CRLF2: variants seen among roughly 807,000 people sequenced by gnomAD.
CRLF2 encodes the protein cytokine receptor-like factor 2.
In CRLF2, 41 loss-of-function variants were observed where a neutral mutation model predicts 38.7. That is an observed-to-expected ratio of 1.06 (90% CI 0.83 to 1.37). The LOEUF (loss-of-function observed/expected upper bound fraction) is 1.37. CRLF2 is among the 40% of genes most tolerant of loss of function. The pLI, the probability that CRLF2 is intolerant of heterozygous loss-of-function variation, is 0.00. For missense variants in CRLF2, 377 were observed against 322.2 expected (o/e 1.17, Z -1.30); for synonymous variants, 140 against 128.8 (o/e 1.09, Z -0.59).
At chrX:1,198,246 A>G (rs868219359) in intron 5 of CRLF2, among the ~76,000 whole-genome samples, 8 of 85,016 alleles carry the variant, frequency 9.4e-5, no homozygotes, top group East Asian at 3.4e-4. Context: ...CCCACCTCCC[A>G]GGAAGGCAGG....
At chrX:1,201,245 G>T (rs1401834416) in intron 4 of CRLF2, among the ~76,000 whole-genome samples, 4 of 151,858 alleles carry the variant, frequency 2.6e-5, no homozygotes, top group Non-Finnish European at 4.4e-5. Context: ...TGACCAACAG[G>T]TCGTTAGGCA....
chrX:1,196,391 T>C (rs1192287560), intron 6 of CRLF2, among the ~76,000 whole-genome samples: 11 of 152,006 alleles, frequency 7.2e-5, no homozygotes, highest in African/African-American at 2.4e-4. Context: ...TTTCACCATG[T>C]TGGCCAGGAT....
intron 6 of CRLF2, 47 bp from the exon 7 acceptor site, chrX:1,193,349 G>A (rs2086426464): frequency 5.0e-6 from 2 of 398,614 alleles, no homozygotes. Context: ...CAGCCCCGCA[G>A]GAAGGGTTGG....
chrX:1,202,537 T>C lies in CRLF2; in HGVS notation c.350-2A>G, dbSNP rs1426083675. The C allele has an allele frequency of 6.2e-7, 1 of 1,613,570 alleles. No individual in the cohort carries two copies. The highest frequency in any genetic ancestry group is 8.5e-7 in the Non-Finnish European group (1 of 1,179,694). ...CGTGCTTCGGGGAACTGGGTTTCAC[T>C]GAGAAGAAGAAATAACGGAAGCGAC... On this transcript the variant is annotated splice_acceptor_variant, in intron 3 of 7. Coordinates refer to ENST00000400841, the MANE Select transcript of CRLF2 (RefSeq NM_022148.4). LOFTEE classifies it high-confidence loss of function.
At position 1,202,396 on chromosome X, in the gene CRLF2, G is replaced by A. The variant is rs1177927041; in HGVS notation, c.483+6C>T. 1 of 1,613,466 alleles carries A rather than the reference G, an allele frequency of 6.2e-7. No individual in the cohort carries two copies. The highest frequency in any genetic ancestry group is 8.5e-7 in the Non-Finnish European group (1 of 1,179,540). On this transcript the variant is annotated splice_donor_region_variant and intron_variant, in intron 4 of 7. Coordinates refer to ENST00000400841, the MANE Select transcript of CRLF2 (RefSeq NM_022148.4). ...CATCGCCCTGAGTCGCGGCCGCCCG[G>A]CTCACCTGCCACTCGGTGTCGAAGG... is the stretch of plus-strand genomic sequence containing the variant.
At chrX:1,196,623 TC>T in intron 6 of CRLF2, 156 bp downstream of exon 6, 1 of 985,800 alleles carries the variant, frequency 1.0e-6, no homozygotes, top group South Asian at 1.9e-5. Flanking sequence ...GCCCAGCCCC[TC>T]CGAAATTTCT....
intron 6 of CRLF2, among the ~76,000 whole-genome samples, chrX:1,195,363 ATTC>A (rs1197022281): frequency 9.2e-5 from 14 of 152,074 alleles, no homozygotes; most frequent in African/African-American, 2.9e-4. Context: ...ATCTTGGACC[ATTC>A]TTCTTGCTGC....
intron 5 of CRLF2, 77 bp downstream of exon 5, chrX:1,198,485 C>G: frequency 1.3e-6 from 2 of 1,519,494 alleles, no homozygotes; most frequent in Admixed American, 1.7e-5. Context: ...TCCCTCCCAC[C>G]TCCCGGGAAG....
At chrX:1,207,512 C>A (rs1417944794) in intron 2 of CRLF2, among the ~76,000 whole-genome samples, 5 of 84,294 alleles carry the variant, frequency 5.9e-5, no homozygotes, top group South Asian at 9.5e-4. Flanking sequence ...CCCCCCCCCC[C>A]CTCAGCCTCC....
chrX:1,192,979 A>C lies in CRLF2; in HGVS notation c.852+239T>G, dbSNP rs1284754078. 7.3e-4 allele frequency among the ~76,000 whole-genome samples: 111 copies of C among 151,426 alleles called. 3 individuals carry two copies. The South Asian group carries it at 0.023, about 32-fold the overall frequency. On this transcript the variant is annotated intron_variant, in intron 7 of 7. Coordinates refer to ENST00000400841, the MANE Select transcript of CRLF2 (RefSeq NM_022148.4). ...CAGGAGTGAGCCAGCACGCCCGGCT[A>C]ATCCTTGTATTTTTAGTAGAGATGG...
intron 7 of CRLF2, among the ~76,000 whole-genome samples, chrX:1,192,201 T>C (rs1349694418): frequency 5.0e-5 from 3 of 60,224 alleles, no homozygotes; most frequent in Admixed American, 2.0e-4. Flanking sequence ...CGAGACTCCG[T>C]CTCAAAAAAA....
intron 4 of CRLF2, among the ~76,000 whole-genome samples, chrX:1,201,362 A>G (rs1240914930): frequency 2.0e-5 from 3 of 151,854 alleles, no homozygotes; most frequent in Non-Finnish European, 4.4e-5. Context: ...GTGTGTAGAG[A>G]GACAGGTGTG....
chrX:1,209,364 C>T (rs770886977), intron 1 of CRLF2, among the ~76,000 whole-genome samples: 5 of 147,142 alleles, frequency 3.4e-5, no homozygotes, highest in African/African-American at 9.8e-5. Flanking sequence ...CAGACTCTCA[C>T]TCTGTCACCC....
At chrX:1,200,327 A>C (rs1273759716) in intron 4 of CRLF2, among the ~76,000 whole-genome samples, 1 of 109,906 alleles carries the variant, frequency 9.1e-6, no homozygotes, top group Admixed American at 1.0e-4. Context: ...GTGTGTATAT[A>C]TATGTGTGTA....
rs1411592210 is a variant in CRLF2 at position 1,193,251 on chromosome X, G to A, written c.819C>T (p.Pro273=). The A allele has an allele frequency of 1.5e-4, 59 of 398,594 alleles. No homozygotes were observed. The highest frequency in any genetic ancestry group is 6.6e-4 in the African/African-American group (32 of 48,720). 24.7% of individuals were successfully genotyped at this position (398,594 alleles called of 1,614,324 possible). The part of the protein sequence containing the change: ...PSVPDPKSIF[P]GLFEIHQGNF... ...TCCCTTGGTGTATCTCAAAGAGCCC[G>A]GGGAAGATGGATTTCGGGTCTGGCA... Residue 273 remains proline (P), a synonymous_variant, in exon 7 of 8, where the codon CCC becomes CCT. Coordinates refer to ENST00000400841, the MANE Select transcript of CRLF2 (RefSeq NM_022148.4).
intron 3 of CRLF2, among the ~76,000 whole-genome samples, chrX:1,205,115 C>CCG (rs1250851381): frequency 1.3e-5 from 2 of 152,354 alleles, no homozygotes; most frequent in African/African-American, 2.4e-5. Flanking sequence ...GCGTGAGCCA[C>CCG]CGCGCCCCGC....
In CRLF2 at chrX:1,194,050, G is replaced by C. The variant is rs1438292315; in HGVS notation, c.768-748C>G. Among the ~76,000 whole-genome samples the C allele has an allele frequency of 9.2e-3, 1,395 of 152,010 alleles. 18 individuals are homozygous for C. The highest frequency in any genetic ancestry group is 0.029 in the African/African-American group (1,192 of 41,474). ...TGAGGCAGGAGAATCGCTTGAACCT[G>C]GGGGGCAGAGGTTGCAGTGATCTGA... is the stretch of plus-strand genomic sequence containing the variant. On this transcript the variant is annotated intron_variant, in intron 6 of 7. Transcript: ENST00000400841.
At chrX:1,198,920 G>C in intron 4 of CRLF2, 196 bp from the exon 5 acceptor site, 1 of 620,928 alleles carries the variant, frequency 1.6e-6, no homozygotes. Flanking sequence ...AGGCTGAGGC[G>C]GGTGGATCAC....
chrX:1,193,135 G>T (rs1355611887), intron 7 of CRLF2, 83 bp downstream of exon 7: 5 of 397,490 alleles, frequency 1.3e-5, no homozygotes, highest in East Asian at 3.6e-5. Flanking sequence ...CTCTAAAAAG[G>T]TCGCGCTCAG....
Sources: allele counts gnomAD v4.1 joint callset (sites outside exome capture counted in the v4.1 genomes callset), GRCh38; gene constraint gnomAD v4.1.1; transcripts MANE v1.5; gene names NCBI Gene and HGNC (gene_info 2026-07-23, HGNC 2026-07-21).